CRPPA: variants seen among roughly 807,000 people sequenced by gnomAD.
The protein encoded by CRPPA is CDP-L-ribitol pyrophosphorylase A.
CRPPA carries 43 observed loss-of-function variants against 52.0 expected under a neutral mutation model. The observed-to-expected ratio is 0.83, with a 90% CI of 0.65 to 1.07. The LOEUF is 1.07. Ranked by LOEUF, CRPPA falls within the 50% of genes least tolerant of loss-of-function variation. The pLI is 0.00. For missense variants in CRPPA, 629 were observed against 551.7 expected (o/e 1.14, Z -1.40); for synonymous variants, 250 against 203.5 (o/e 1.23, Z -1.94).
intron 4 of CRPPA, among the ~76,000 whole-genome samples, chr7:16,301,831 T>A (rs1453089477): frequency 6.6e-6 from 1 of 152,152 alleles, no homozygotes; most frequent in Non-Finnish European, 1.5e-5. Context: ...AGTCTCTGTA[T>A]AACAAAAAAG....
Position 16,376,206 on chromosome 7 carries a change from G to A in CRPPA, c.570C>T (p.Val190=), listed in dbSNP as rs1170483329. 1.1e-5 allele frequency: 18 copies of A among 1,612,450 alleles called. No homozygotes were observed. Among genetic ancestry groups the A allele is most frequent in the South Asian group, 6.6e-5 (6 of 90,774 alleles). The change falls in exon 3 of 10, where the codon GTC becomes GTT. Residue 190 remains valine, a synonymous_variant. Transcript: ENST00000407010. ...AGCAACCATCAGCAGATGGACTGAC[G>A]ACAGTAGATACAAGAGGTCGAATGG... ...AGAIRPLVST[V]VSPSADGCLD...
At chr7:16,319,421 A>T (rs1361029793) in intron 3 of CRPPA, among the ~76,000 whole-genome samples, 1 of 152,076 alleles carries the variant, frequency 6.6e-6, no homozygotes, top group Non-Finnish European at 1.5e-5. Flanking sequence ...AAGAGTCTTC[A>T]TCTCTCTCCC....
chr7:16,390,188 T>A (rs76267704), intron 2 of CRPPA, among the ~76,000 whole-genome samples: 11,651 of 151,838 alleles, frequency 0.077, 609 homozygotes, highest in South Asian at 0.14. Flanking sequence ...CTTCTTTCTG[T>A]CCTGCCTCCT....
chr7:16,121,478 T>C (rs1470484171), intron 9 of CRPPA, among the ~76,000 whole-genome samples: 1 of 152,076 alleles, frequency 6.6e-6, no homozygotes, highest in Non-Finnish European at 1.5e-5. Context: ...TCAAATCTCT[T>C]GGATCAATAA....
At chr7:16,404,900 A>C (rs565640972) in intron 2 of CRPPA, among the ~76,000 whole-genome samples, 2 of 152,340 alleles carry the variant, frequency 1.3e-5, no homozygotes, top group African/African-American at 4.8e-5. Flanking sequence ...AAGTTTCACT[A>C]CCTTAAATAC....
chr7:16,253,052 C>T (rs984404694), intron 8 of CRPPA, among the ~76,000 whole-genome samples: 1 of 152,050 alleles, frequency 6.6e-6, no homozygotes, highest in East Asian at 1.9e-4. Context: ...TTTCAAAAAA[C>T]CAGCTCCTGG....
chr7:16,215,966 T>C (rs1046853702), intron 9 of CRPPA, 100 bp downstream of exon 9: 22 of 954,006 alleles, frequency 2.3e-5, no homozygotes, highest in Non-Finnish European at 3.2e-5. Context: ...CAGCTGTAAT[T>C]TCACTTATCA....
chr7:16,358,407 C>T (rs1310125999), intron 3 of CRPPA, among the ~76,000 whole-genome samples: 1 of 152,158 alleles, frequency 6.6e-6, no homozygotes, highest in Non-Finnish European at 1.5e-5. Context: ...ATAAAGGTAG[C>T]TCTTACCCAG....
chr7:16,341,034 A>T (rs1785813054), intron 3 of CRPPA, among the ~76,000 whole-genome samples: 1 of 152,178 alleles, frequency 6.6e-6, no homozygotes, highest in Admixed American at 6.5e-5. Context: ...CAACTATAAT[A>T]TTCTGTAAAG....
At chr7:16,155,291 C>T (rs1477639309) in intron 9 of CRPPA, among the ~76,000 whole-genome samples, 2 of 152,194 alleles carry the variant, frequency 1.3e-5, no homozygotes, top group Non-Finnish European at 2.9e-5. Flanking sequence ...CATATTCCCC[C>T]ATATTCAAGC....
At chr7:16,263,460 T>C (rs1413997348) in intron 6 of CRPPA, among the ~76,000 whole-genome samples, 6 of 152,260 alleles carry the variant, frequency 3.9e-5, no homozygotes, top group African/African-American at 4.8e-5. Flanking sequence ...TCTTAGAATA[T>C]ACAATTGTAG....
At chr7:16,123,386 T>C (rs1562515277) in intron 9 of CRPPA, among the ~76,000 whole-genome samples, 1 of 152,072 alleles carries the variant, frequency 6.6e-6, no homozygotes, top group Non-Finnish European at 1.5e-5. Flanking sequence ...GACTCAAATT[T>C]CAGATAAGTC....
At chr7:16,164,423 AG>A (rs1216747729) in intron 9 of CRPPA, among the ~76,000 whole-genome samples, 1 of 152,120 alleles carries the variant, frequency 6.6e-6, no homozygotes, top group Non-Finnish European at 1.5e-5. Context: ...CCTTTTTTCA[AG>A]GTTCTAAGCT....
intron 9 of CRPPA, among the ~76,000 whole-genome samples, 188 bp downstream of exon 9, chr7:16,215,878 T>C (rs749907086): frequency 2.6e-5 from 4 of 152,220 alleles, no homozygotes; most frequent in African/African-American, 7.2e-5. Flanking sequence ...CCAATGCTAA[T>C]AGTTTTATTG....
intron 9 of CRPPA, among the ~76,000 whole-genome samples, chr7:16,208,686 T>G (rs1255639313): frequency 6.6e-6 from 1 of 152,122 alleles, no homozygotes; most frequent in African/African-American, 2.4e-5. Flanking sequence ...ATCTTAAAAA[T>G]TTGGTAGAAC....
chr7:16,160,653 T>G (rs1783284247), intron 9 of CRPPA, among the ~76,000 whole-genome samples: 1 of 152,238 alleles, frequency 6.6e-6, no homozygotes, highest in African/African-American at 2.4e-5. Flanking sequence ...ACGAGCTCTT[T>G]TTTGGTTCAA....
chr7:16,343,910 T>C (rs950274721), intron 3 of CRPPA, among the ~76,000 whole-genome samples: 1 of 152,160 alleles, frequency 6.6e-6, no homozygotes, highest in Non-Finnish European at 1.5e-5. Context: ...TACACATGCA[T>C]AGAGCCCTTA....
At chr7:16,417,709 A>G (rs751561425) in intron 1 of CRPPA, among the ~76,000 whole-genome samples, 1 of 152,148 alleles carries the variant, frequency 6.6e-6, no homozygotes, top group Non-Finnish European at 1.5e-5. Context: ...GGGATCAATC[A>G]TACCCTAAAC....
intron 3 of CRPPA, among the ~76,000 whole-genome samples, chr7:16,338,907 A>C (rs2704676): frequency 0.47 from 70,546 of 149,406 alleles, 16,756 homozygotes; most frequent in African/African-American, 0.54. Context: ...GCTCTGCCTC[A>C]CAGGTTCACG....
Sources: allele counts gnomAD v4.1 joint callset (sites outside exome capture counted in the v4.1 genomes callset), GRCh38; gene constraint gnomAD v4.1.1; transcripts MANE v1.5; gene names NCBI Gene and HGNC (gene_info 2026-07-23, HGNC 2026-07-21).